The following ASTN2 variants were observed in gnomAD, a reference collection of about 807,000 sequenced individuals.
ASTN2 encodes the protein astrotactin-2.
In ASTN2, 54 loss-of-function variants were observed where a neutral mutation model predicts 139.8. That is an observed-to-expected ratio of 0.39 (90% CI 0.31 to 0.48). ASTN2 has a LOEUF of 0.48. Among genes scored for constraint, ASTN2 ranks in the 20% least tolerant of loss-of-function variants. ASTN2 has a pLI of 0.95. For synonymous variants in ASTN2, 756 were observed against 719.5 expected (o/e 1.05, Z -0.81); for missense variants, 1,565 against 1,725.1 (o/e 0.91, Z 1.64).
intron 22 of ASTN2, among the ~76,000 whole-genome samples, chr9:116,434,650 A>G (rs1033201487): frequency 5.9e-5 from 9 of 152,206 alleles, no homozygotes; most frequent in Non-Finnish European, 1.2e-4. Flanking sequence ...CTCAAACATA[A>G]TTGAAAGTGT....
intron 12 of ASTN2, among the ~76,000 whole-genome samples, chr9:116,820,134 T>A (rs919528357): frequency 2.6e-5 from 4 of 152,230 alleles, no homozygotes; most frequent in African/African-American, 9.6e-5. Flanking sequence ...TCCTTACAGA[T>A]ACGGACATTA....
intron 13 of ASTN2, among the ~76,000 whole-genome samples, chr9:116,782,279 T>C (rs1830240004): frequency 6.6e-6 from 1 of 152,178 alleles, no homozygotes; most frequent in Non-Finnish European, 1.5e-5. Context: ...AAAATTAACT[T>C]GCCAAACTCC....
At chr9:116,598,761 T>G (rs1465888085) in intron 19 of ASTN2, among the ~76,000 whole-genome samples, 1 of 152,204 alleles carries the variant, frequency 6.6e-6, no homozygotes, top group Non-Finnish European at 1.5e-5. Flanking sequence ...TAAACCAGAC[T>G]TTATGCTAGG....
At chr9:116,962,770 A>G (rs146938758) in intron 10 of ASTN2, among the ~76,000 whole-genome samples, 1,560 of 152,326 alleles carry the variant, frequency 0.01, 11 homozygotes, top group Non-Finnish European at 0.016. Flanking sequence ...TTGTCATAAT[A>G]TAATACAATA....
At chr9:117,202,057 C>T (rs920069220) in intron 3 of ASTN2, among the ~76,000 whole-genome samples, 1 of 152,162 alleles carries the variant, frequency 6.6e-6, no homozygotes, top group Non-Finnish European at 1.5e-5. Flanking sequence ...GAATAGTTAG[C>T]TCTTCTTGTT....
At chr9:116,761,219 T>C (rs772745154) in intron 13 of ASTN2, among the ~76,000 whole-genome samples, 8 of 152,228 alleles carry the variant, frequency 5.3e-5, no homozygotes, top group Non-Finnish European at 1.2e-4. Context: ...ATTGCTATTG[T>C]GTCCCAGGCA....
intron 1 of ASTN2, among the ~76,000 whole-genome samples, chr9:117,299,588 G>A (rs1043051630): frequency 6.6e-6 from 1 of 152,130 alleles, no homozygotes; most frequent in Admixed American, 6.5e-5. Context: ...ACAGTGGGGG[G>A]AACCGGTATA....
At chr9:117,290,056 T>G (rs1469529776) in intron 2 of ASTN2, among the ~76,000 whole-genome samples, 1 of 152,208 alleles carries the variant, frequency 6.6e-6, no homozygotes, top group East Asian at 1.9e-4. Context: ...CAAAAAATAC[T>G]GCTGATTGTT....
chr9:116,437,615 G>A (rs1358599804), intron 22 of ASTN2: 1 of 470,174 alleles, frequency 2.1e-6, no homozygotes, highest in Admixed American at 2.3e-5. Flanking sequence ...GTCAGAAGTG[G>A]AGCTGTGGTT....
chr9:116,653,464 C>A (rs1858038306), intron 16 of ASTN2, among the ~76,000 whole-genome samples: 1 of 152,208 alleles, frequency 6.6e-6, no homozygotes, highest in South Asian at 2.1e-4. Flanking sequence ...GTGATTTGTA[C>A]AACCGACAGG....
At chr9:117,153,576 A>T (rs1220455599) in intron 3 of ASTN2, among the ~76,000 whole-genome samples, 1 of 152,136 alleles carries the variant, frequency 6.6e-6, no homozygotes, top group Non-Finnish European at 1.5e-5. Context: ...GGTCATACAC[A>T]ACCTTAGAAT....
intron 19 of ASTN2, among the ~76,000 whole-genome samples, chr9:116,600,208 C>T (rs1854800939): frequency 6.6e-6 from 1 of 151,378 alleles, no homozygotes; most frequent in Admixed American, 6.6e-5. Flanking sequence ...CTTGTAGTCC[C>T]AGCTACTTGG....
intron 10 of ASTN2, among the ~76,000 whole-genome samples, chr9:116,936,164 C>G (rs952592194): frequency 3.5e-5 from 5 of 142,568 alleles, no homozygotes; most frequent in African/African-American, 1.3e-4. Context: ...ACCTCCATCA[C>G]TACCACCAAC....
intron 1 of ASTN2, among the ~76,000 whole-genome samples, chr9:117,342,325 T>C (rs555059150): frequency 6.6e-6 from 1 of 152,170 alleles, no homozygotes; most frequent in Non-Finnish European, 1.5e-5. Context: ...TGAAACTCAG[T>C]TTTATCAGCT....
intron 2 of ASTN2, among the ~76,000 whole-genome samples, chr9:117,266,331 C>A (rs569602637): frequency 6.6e-6 from 1 of 152,024 alleles, no homozygotes; most frequent in East Asian, 1.9e-4. Flanking sequence ...CACACACACA[C>A]AAAAACATAC....
rs1232564969 is a variant in ASTN2 at position 117,144,806 on chromosome 9, C to T, written c.1016-3328G>A. Among the ~76,000 whole-genome samples, 7 of 150,716 alleles carry T rather than the reference C, an allele frequency of 4.6e-5. No individual in the cohort carries two copies. The East Asian group carries it at 7.9e-4, about 17-fold the overall frequency. On this transcript the variant is annotated intron_variant, in intron 3 of 22. Transcript: ENST00000313400. ...AAGCAATTCTTATGCCCCAGCCTCCCGAGTAGCTGGGATTATAGGCATGCA... is the reference window on the plus strand; with the variant it reads ...AAGCAATTCTTATGCCCCAGCCTCCTGAGTAGCTGGGATTATAGGCATGCA...
intron 3 of ASTN2, among the ~76,000 whole-genome samples, chr9:117,154,760 T>C (rs371349607): frequency 6.6e-6 from 1 of 152,220 alleles, no homozygotes. Flanking sequence ...CCTGTTAGCA[T>C]CTGCTTACCC....
intron 2 of ASTN2, among the ~76,000 whole-genome samples, chr9:117,259,150 A>G (rs1232804905): frequency 1.3e-5 from 2 of 152,112 alleles, no homozygotes; most frequent in Non-Finnish European, 2.9e-5. Context: ...TCCTGACCTC[A>G]AAAATGCTCC....
At chr9:117,141,250 C>T in intron 4 of ASTN2, 76 bp downstream of exon 4, 2 of 1,300,046 alleles carry the variant, frequency 1.5e-6, no homozygotes, top group Non-Finnish European at 2.0e-6. Flanking sequence ...GGGAAGAATG[C>T]ACAGATCTCC....
Sources: gnomAD v4.1 joint callset for allele counts (sites outside exome capture counted in the v4.1 genomes callset) on GRCh38, gnomAD v4.1.1 for gene constraint, MANE v1.5 for transcripts, NCBI Gene and HGNC (gene_info 2026-07-23, HGNC 2026-07-21) for gene names.